Variants in TRHDE observed in about 807,000 individuals in gnomAD.
TRHDE encodes thyrotropin-releasing hormone-degrading ectoenzyme.
TRHDE carries 72 observed loss-of-function variants against 125.7 expected under a neutral mutation model. The ratio of observed to expected loss-of-function variants is 0.57; its 90% CI spans 0.47 to 0.70. TRHDE has a LOEUF of 0.70. Ranked by LOEUF, TRHDE falls within the 30% of genes least tolerant of loss-of-function variation. The pLI, the probability that TRHDE is intolerant of heterozygous loss-of-function variation, is 0.00. For missense variants in TRHDE, 1,110 were observed against 1,327.1 expected (o/e 0.84, Z 2.54); for synonymous variants, 509 against 509.1 (o/e 1.00, Z 0.00).
intron 2 of TRHDE, among the ~76,000 whole-genome samples, chr12:72,229,088 C>G (rs1197039649): frequency 6.6e-6 from 1 of 152,186 alleles, no homozygotes; most frequent in East Asian, 1.9e-4. Flanking sequence ...TCCAAAGTTG[C>G]TTTCACATTT....
At chr12:72,317,713 G>A (rs1868871898) in intron 2 of TRHDE, among the ~76,000 whole-genome samples, 1 of 152,086 alleles carries the variant, frequency 6.6e-6, no homozygotes, top group Non-Finnish European at 1.5e-5. Context: ...GGAAACCATA[G>A]GTACATGAAA....
intron 2 of TRHDE, among the ~76,000 whole-genome samples, chr12:72,172,991 G>A (rs866508411): frequency 2.6e-5 from 4 of 152,068 alleles, no homozygotes; most frequent in Non-Finnish European, 5.9e-5. Context: ...ACACATTGAA[G>A]GTATATCAGA....
chr12:72,357,391 G>A (rs563376075), intron 2 of TRHDE, among the ~76,000 whole-genome samples: 1 of 151,220 alleles, frequency 6.6e-6, no homozygotes, highest in African/African-American at 2.4e-5. Flanking sequence ...CTCAACCCTG[G>A]TAACCACTGT....
chr12:72,153,372 G>T (rs530020382), intron 2 of TRHDE, among the ~76,000 whole-genome samples: 1 of 152,194 alleles, frequency 6.6e-6, no homozygotes, highest in African/African-American at 2.4e-5. Context: ...ATTTTTTGAA[G>T]GGTTTTTTGT....
At chr12:72,127,873 A>ATATG (rs1555220766) in intron 2 of TRHDE, among the ~76,000 whole-genome samples, 1 of 152,086 alleles carries the variant, frequency 6.6e-6, no homozygotes, top group African/African-American at 2.4e-5. Flanking sequence ...GTATATATAT[A>ATATG]TGTGTGTGTA....
chr12:72,624,685 C>A (rs1349588795), intron 15 of TRHDE, among the ~76,000 whole-genome samples: 1 of 151,994 alleles, frequency 6.6e-6, no homozygotes, highest in East Asian at 1.9e-4. Flanking sequence ...AGTTGACATT[C>A]TAATACCTGT....
chr12:72,272,787 A>G lies in TRHDE; in HGVS notation c.144A>G (p.Glu48=), dbSNP rs1879288018. 6.4e-7 allele frequency: 1 copy of G among 1,557,798 alleles called. No individual in the cohort carries two copies. The highest frequency in any genetic ancestry group is 8.7e-7 in the Non-Finnish European group (1 of 1,154,308). Residue 48 remains glutamate, a synonymous_variant, in exon 1 of 19, where the codon GAA becomes GAG. Coordinates refer to ENST00000261180, the MANE Select transcript of TRHDE (RefSeq NM_013381.3). The surrounding 1 kb of genome is among the most constrained non-coding windows in gnomAD (Gnocchi z 6.7). ...CACCCTTCGCAGCCGCGATGGGGGAAGACGACGCCGCGCTTCGGGCTGGCA... is the reference window on the plus strand; with the variant it reads ...CACCCTTCGCAGCCGCGATGGGGGAGGACGACGCCGCGCTTCGGGCTGGCA... ...SSSPFAAAMG[E]DDAALRAGSR...
At chr12:72,557,463 T>A (rs1869976629) in intron 7 of TRHDE, among the ~76,000 whole-genome samples, 1 of 152,188 alleles carries the variant, frequency 6.6e-6, no homozygotes, top group Non-Finnish European at 1.5e-5. Flanking sequence ...TAAACACATG[T>A]AAATGAATCC....
At chr12:72,407,010 C>T (rs1873293810) in intron 3 of TRHDE, among the ~76,000 whole-genome samples, 1 of 152,136 alleles carries the variant, frequency 6.6e-6, no homozygotes, top group African/African-American at 2.4e-5. Context: ...ACAAGCTGTT[C>T]CGTGAGTCTT....
chr12:72,626,113 G>A (rs1444691860), intron 15 of TRHDE, among the ~76,000 whole-genome samples: 1 of 151,944 alleles, frequency 6.6e-6, no homozygotes, highest in African/African-American at 2.4e-5. Context: ...CCCAGGTAAT[G>A]TTGATGCTGT....
At position 72,165,966 on chromosome 12, in the gene TRHDE, C is replaced by T. The variant is rs148101428; in HGVS notation, n.279+60214C>T. 3.2e-3 allele frequency among the ~76,000 whole-genome samples: 492 copies of T among 152,198 alleles called. 3 individuals carry two copies. Among genetic ancestry groups the T allele is most frequent in the Middle Eastern group, 6.8e-3 (2 of 294 alleles). ...CTGGGATTACAGGTGTGAGCCACCG[C>T]CCCCGGCCGAGAAATGCATTGTTAA... On this transcript the variant is annotated intron_variant and non_coding_transcript_variant, in intron 2 of 4. Transcript: ENST00000548156.
intron 7 of TRHDE, among the ~76,000 whole-genome samples, chr12:72,551,805 A>C (rs1483211465): frequency 2.6e-5 from 4 of 152,130 alleles, no homozygotes; most frequent in African/African-American, 4.8e-5. Flanking sequence ...GCTAGGAAGC[A>C]AAAAATAGGA....
At chr12:72,096,066 A>G (rs1356822609) in intron 1 of TRHDE, among the ~76,000 whole-genome samples, 1 of 151,610 alleles carries the variant, frequency 6.6e-6, no homozygotes, top group Non-Finnish European at 1.5e-5. Context: ...CACACTGCAG[A>G]TTTTGGACTT....
chr12:72,092,007 T>C (rs2139282894), intron 1 of TRHDE, among the ~76,000 whole-genome samples: 1 of 152,346 alleles, frequency 6.6e-6, no homozygotes, highest in South Asian at 2.1e-4. Flanking sequence ...TTATCATTTC[T>C]GTGTTCATCC....
At chr12:72,283,898 CAT>C (rs768276311) in intron 1 of TRHDE, among the ~76,000 whole-genome samples, 20 of 150,144 alleles carry the variant, frequency 1.3e-4, no homozygotes, top group South Asian at 1.0e-3. Flanking sequence ...AAATATTATA[CAT>C]ATATATATAT....
chr12:72,359,992 T>A (rs1297749467), intron 2 of TRHDE, among the ~76,000 whole-genome samples: 1 of 151,584 alleles, frequency 6.6e-6, no homozygotes, highest in African/African-American at 2.4e-5. Flanking sequence ...GCATTATAAG[T>A]CAGTGGAAAG....
intron 2 of TRHDE, among the ~76,000 whole-genome samples, chr12:72,350,053 CT>C (rs1199184579): frequency 4.6e-5 from 7 of 151,884 alleles, no homozygotes; most frequent in Non-Finnish European, 8.8e-5. Context: ...ATTCCATATA[CT>C]TTTTTCTTTA....
chr12:72,215,472 AC>A (rs1260354191), intron 2 of TRHDE, among the ~76,000 whole-genome samples: 1 of 152,128 alleles, frequency 6.6e-6, no homozygotes, highest in African/African-American at 2.4e-5. Flanking sequence ...CCTATCCATG[AC>A]CTACTTGCCA....
At chr12:72,553,113 TGAAAATA>T (rs1196102071) in intron 7 of TRHDE, among the ~76,000 whole-genome samples, 2 of 152,156 alleles carry the variant, frequency 1.3e-5, no homozygotes, top group African/African-American at 4.8e-5. Context: ...TGGAGAAATT[TGAAAATA>T]GAGAATTCAA....
Sources: gnomAD v4.1 joint callset for allele counts (sites outside exome capture counted in the v4.1 genomes callset) on GRCh38, gnomAD v4.1.1 for gene constraint, Gnocchi (gnomAD v3.1) non-coding constraint, MANE v1.5 for transcripts, NCBI Gene and HGNC (gene_info 2026-07-23, HGNC 2026-07-21) for gene names.